Variants in CSRP1 observed in about 807,000 individuals in gnomAD.
CSRP1 encodes the protein cysteine and glycine rich protein 1.
CSRP1 carries 16 observed loss-of-function variants against 25.4 expected under a neutral mutation model. That is an observed-to-expected ratio of 0.63 (90% confidence interval 0.43 to 0.96). The LOEUF (loss-of-function observed/expected upper bound fraction) is 0.96, where lower values mean the gene tolerates loss of function less well. CSRP1 is among the 40% of genes least tolerant of loss of function. CSRP1 has a pLI of 0.00. For missense variants in CSRP1, 212 were observed against 243.6 expected, an observed-to-expected ratio of 0.87 and a Z score of 0.86; for synonymous variants, 97 against 95.3, an observed-to-expected ratio of 1.02 and a Z score of -0.10.
intron 1 of CSRP1, among the ~76,000 whole-genome samples, chr1:201,500,593 G>A (rs947901576): frequency 2.1e-4 from 32 of 152,272 alleles, no homozygotes; most frequent in Admixed American, 1.5e-3. Context: ...GAGATGAAAA[G>A]TGATGACTCT....
chr1:201,494,605 G>T (rs994580834), intron 2 of CSRP1, among the ~76,000 whole-genome samples: 1 of 152,222 alleles, frequency 6.6e-6, no homozygotes, highest in African/African-American at 2.4e-5. Flanking sequence ...GGTGGCCTCA[G>T]GTGGGTCTAC....
intron 1 of CSRP1, chr1:201,506,837 C>A (rs1664842153): frequency 6.6e-6 from 1 of 152,422 alleles, no homozygotes; most frequent in Non-Finnish European, 1.5e-5. Context: ...CTGGGTCACG[C>A]ACACGCGGAA....
chr1:201,498,324 C>T (rs1163613615), intron 1 of CSRP1, among the ~76,000 whole-genome samples: 1 of 152,208 alleles, frequency 6.6e-6, no homozygotes, highest in Non-Finnish European at 1.5e-5. Flanking sequence ...AAAGCACCAC[C>T]TACAGTGGGT....
intron 1 of CSRP1, among the ~76,000 whole-genome samples, chr1:201,497,546 A>T (rs1027828464): frequency 5.3e-5 from 8 of 152,158 alleles, no homozygotes; most frequent in African/African-American, 1.9e-4. Flanking sequence ...CAAGCACCCC[A>T]GGCAAACAAA....
At chr1:201,501,363 T>C (rs1047873303) in intron 1 of CSRP1, among the ~76,000 whole-genome samples, 1 of 152,240 alleles carries the variant, frequency 6.6e-6, no homozygotes, top group African/African-American at 2.4e-5. Context: ...ACAAGTTACT[T>C]GCCCTTCTTT....
At chr1:201,500,268 T>C (rs375794069) in intron 1 of CSRP1, among the ~76,000 whole-genome samples, 75 of 152,264 alleles carry the variant, frequency 4.9e-4, no homozygotes, top group African/African-American at 1.7e-3. Flanking sequence ...CCTAGCCACA[T>C]GGTTGGGAGC....
At chr1:201,485,454 A>T in intron 4 of CSRP1, 78 bp from the exon 5 acceptor site, 3 of 1,313,778 alleles carry the variant, frequency 2.3e-6, no homozygotes, top group Non-Finnish European at 3.3e-6. Flanking sequence ...TCCCTTTGAC[A>T]TAACCATGGT....
In CSRP1 at chr1:201,496,267, A is replaced by T; in HGVS notation, c.37T>A (p.Cys13Ser). The T allele has an allele frequency of 6.2e-7, 1 of 1,614,216 alleles. No individual in the cohort carries two copies. The highest frequency in any genetic ancestry group is 8.5e-7 in the Non-Finnish European group (1 of 1,180,038). Reference protein sequence around the residue: ...NWGGGKKCGVCQKTVYFAEEV... With the variant: ...NWGGGKKCGVSQKTVYFAEEV... The stretch of plus-strand genomic sequence containing the variant: ...TCGGCAAAGTAAACCGTCTTCTGAC[A>T]CACCCCACATTTCTTGCCTCCTCCC... The change falls in exon 2 of 6, where the codon TGT (cysteine) becomes AGT (serine). Residue 13 changes from cysteine to serine, a missense_variant. By Grantham distance (112) the Cys-to-Ser change is moderately radical (BLOSUM62 -1). Transcript: ENST00000340006.
chr1:201,488,868 A>C lies in CSRP1; in HGVS notation c.398T>G (p.Ile133Ser). The part of the protein sequence containing the change: ...SQAVYAAEKV[I>S]GAGKSWHKAC... ...CAGCCACCTTACCTTCCCAGCACCAATCACCTTCTCCGCAGCATAGACTGC... is the reference window on the plus strand; with the variant it reads ...CAGCCACCTTACCTTCCCAGCACCACTCACCTTCTCCGCAGCATAGACTGC... The change falls in exon 4 of 6, where the codon ATT (isoleucine) becomes AGT (serine). Residue 133 changes from isoleucine (I) to serine (S), a missense_variant. By Grantham distance (142) the Ile-to-Ser change is moderately radical. Transcript: ENST00000340006. 3 of 1,613,894 alleles carry C rather than the reference A, an allele frequency of 1.9e-6. No homozygotes were observed. The highest frequency in any genetic ancestry group is 1.7e-6 in the Non-Finnish European group (2 of 1,179,860).
At position 201,483,610 on chromosome 1, in the gene CSRP1, C is replaced by G. The variant is rs1006418326; in HGVS notation, c.*1103G>C. 1 of 191,894 alleles carries G rather than the reference C, an allele frequency of 5.2e-6. No individual in the cohort carries two copies. Among genetic ancestry groups the G allele is most frequent in the Non-Finnish European group, 1.1e-5 (1 of 90,162 alleles). The allele number at this position is 191,894 out of a possible 1,614,324, so 11.9% of individuals were successfully genotyped here. A position where few individuals can be genotyped will look rare whatever the true frequency, so the allele number is the denominator to read the frequency against. Reference sequence around the variant, plus strand: ...TGCCTGCAGCCCTTTCAGTGGGTGGCTCCAGATAGTGTTGTCCTTTCAGTT... The same window carrying G: ...TGCCTGCAGCCCTTTCAGTGGGTGGGTCCAGATAGTGTTGTCCTTTCAGTT... On this transcript the variant is annotated 3_prime_UTR_variant, in exon 6 of 6. Transcript: ENST00000340006.
At chr1:201,486,943 T>C (rs538958964) in intron 4 of CSRP1, 2 of 1,278,208 alleles carry the variant, frequency 1.6e-6, no homozygotes, top group East Asian at 1.1e-4. Context: ...AACTTAATAA[T>C]AATATTAATG....
At chr1:201,497,109 G>C (rs1664538136) in intron 1 of CSRP1, among the ~76,000 whole-genome samples, 1 of 152,172 alleles carries the variant, frequency 6.6e-6, no homozygotes, top group Non-Finnish European at 1.5e-5. Context: ...CCAGCACTTT[G>C]GGAGGCTGAG....
chr1:201,496,427 G>A (rs942311441), intron 1 of CSRP1, 123 bp from the exon 2 acceptor site: 41 of 802,076 alleles, frequency 5.1e-5, no homozygotes, highest in Non-Finnish European at 4.2e-5. Context: ...AATGCCTGGG[G>A]GGCCACCAGG....
chr1:201,501,745 C>T (rs1664675259), intron 1 of CSRP1, among the ~76,000 whole-genome samples: 1 of 152,144 alleles, frequency 6.6e-6, no homozygotes, highest in East Asian at 1.9e-4. Flanking sequence ...GTAATCCTTG[C>T]ACTTTGGGAG....
At position 201,484,112 on chromosome 1, in the gene CSRP1, C is replaced by T. The variant is rs1664056748; in HGVS notation, c.*601G>A. 1.5e-6 allele frequency: 1 copy of T among 667,852 alleles called. No individual in the cohort carries two copies. The highest frequency in any genetic ancestry group is 1.8e-5 in the African/African-American group (1 of 56,764). 41.4% of individuals were successfully genotyped at this position (667,852 alleles called of 1,614,324 possible). A position where few individuals can be genotyped will look rare whatever the true frequency, so the allele number is the denominator to read the frequency against. On this transcript the variant is annotated 3_prime_UTR_variant, in exon 6 of 6. Coordinates refer to ENST00000340006, the MANE Select transcript of CSRP1 (RefSeq NM_004078.3). ...TCCTAGTGGGAGGCTATCCATTCCA[C>T]AAAGACTCAAAGGCAAGAGGCCTGG...
chr1:201,500,360 T>C (rs1664629342), intron 1 of CSRP1, among the ~76,000 whole-genome samples: 1 of 152,240 alleles, frequency 6.6e-6, no homozygotes, highest in Non-Finnish European at 1.5e-5. Context: ...AGGCCTCCCC[T>C]TGTTTTCCCT....
chr1:201,489,515 G>T, intron 3 of CSRP1: 1 of 162,556 alleles, frequency 6.2e-6, no homozygotes, highest in Non-Finnish European at 1.4e-5. Context: ...TTCGAAGAAA[G>T]GGAAATGACT....
intron 2 of CSRP1, among the ~76,000 whole-genome samples, chr1:201,493,567 A>G (rs1345157941): frequency 6.6e-6 from 1 of 152,114 alleles, no homozygotes; most frequent in Non-Finnish European, 1.5e-5. Flanking sequence ...AGTCCATTAA[A>G]CCTCTTTCCT....
intron 1 of CSRP1, among the ~76,000 whole-genome samples, chr1:201,500,499 C>T (rs529538233): frequency 3.9e-5 from 6 of 152,408 alleles, no homozygotes; most frequent in African/African-American, 1.4e-4. Flanking sequence ...CCAGGCTGCT[C>T]TTTTGAGCCT....
Sources: gnomAD v4.1 joint callset for allele counts (sites outside exome capture counted in the v4.1 genomes callset) on GRCh38, gnomAD v4.1.1 for gene constraint, MANE v1.5 for transcripts, NCBI Gene and HGNC (gene_info 2026-07-23, HGNC 2026-07-21) for gene names.